The following RMDN1 variants were observed in gnomAD, a reference collection of about 807,000 sequenced individuals.
RMDN1 encodes the protein regulator of microtubule dynamics protein 1.
Under a neutral mutation model 48.9 loss-of-function variants are expected in RMDN1, and 48 were observed. That is an observed-to-expected ratio of 0.98 (90% CI 0.78 to 1.25). RMDN1 has a LOEUF of 1.25. RMDN1 is among the 50% of genes most tolerant of loss of function. The probability of loss-of-function intolerance (pLI) is 0.00; values close to 1 mark genes in which losing one functional copy is unlikely to be tolerated. For missense variants in RMDN1, 418 were observed against 373.4 expected, an observed-to-expected ratio of 1.12 and a Z score of -0.98; for synonymous variants, 148 against 132.6, an observed-to-expected ratio of 1.12 and a Z score of -0.80.
Position 86,474,131 on chromosome 8 carries a change from C to T in RMDN1, c.*177G>A, listed in dbSNP as rs752352194. The T allele has an allele frequency of 4.6e-5, 62 of 1,350,190 alleles. No individual in the cohort carries two copies. Among genetic ancestry groups the T allele is most frequent in the Non-Finnish European group, 5.4e-5 (57 of 1,052,694 alleles). 83.6% of individuals were successfully genotyped at this position (1,350,190 alleles called of 1,614,324 possible). On this transcript the variant is annotated 3_prime_UTR_variant, in exon 10 of 10. Transcript: ENST00000406452. ...AGATTTATTTCTACCACTCTTATGG[C>T]GATTATTTATTTTACCCTATTATTT...
chr8:86,508,094 T>C (rs1180046137), intron 1 of RMDN1: 2 of 177,680 alleles, frequency 1.1e-5, no homozygotes, highest in Non-Finnish European at 2.3e-5. Flanking sequence ...TTCTGAGTCG[T>C]AGAACTTTTT....
At chr8:86,481,664 T>G in intron 5 of RMDN1, 1 of 378,810 alleles carries the variant, frequency 2.6e-6, no homozygotes. Context: ...ACCCAATGGA[T>G]GTAGGTTCCA....
At chr8:86,485,068 T>C in intron 4 of RMDN1, 107 bp from the exon 5 acceptor site, 1 of 604,158 alleles carries the variant, frequency 1.7e-6, no homozygotes, top group African/African-American at 1.9e-5. Flanking sequence ...CAACAAAAAG[T>C]TACTGAGCAT....
intron 3 of RMDN1, among the ~76,000 whole-genome samples, chr8:86,487,554 C>CAA: frequency 6.6e-6 from 1 of 152,002 alleles, no homozygotes; most frequent in African/African-American, 2.4e-5. Flanking sequence ...CGCCATTGCA[C>CAA]TCCAGCTTGG....
chr8:86,510,027 A>C (rs1025899811), upstream of RMDN1, among the ~76,000 whole-genome samples: 3 of 152,160 alleles, frequency 2.0e-5, no homozygotes, highest in African/African-American at 7.2e-5. Flanking sequence ...ATTTGTAATT[A>C]AGTTTTTAGC....
At chr8:86,475,813 T>A (rs565548625) in intron 8 of RMDN1, among the ~76,000 whole-genome samples, 1 of 152,224 alleles carries the variant, frequency 6.6e-6, no homozygotes, top group South Asian at 2.1e-4. Context: ...CATGTTGATA[T>A]ACTTAAGTTG....
At position 86,507,086 on chromosome 8, in the gene RMDN1, T is replaced by G. The variant is rs6980476; in HGVS notation, c.156A>C (p.Lys52Asn). The stretch of plus-strand genomic sequence containing the variant: ...ACAAAGCTGAGAGTAAAAGGCCTCT[T>G]TTGAAAGTTCCTGGGTTTCCCATTA... ...FEVMGNPGTF[K>N]RGLLLSALSY... Residue 52 changes from lysine (K) to asparagine (N), a missense_variant, in exon 2 of 10, where the codon AAA becomes AAC. Physicochemically the swap from Lys to Asn is moderately conservative, Grantham distance 94. Coordinates refer to ENST00000406452, the MANE Select transcript of RMDN1 (RefSeq NM_016033.3). 0.25 allele frequency: 397,889 copies of G among 1,604,158 alleles called. 52,731 individuals are homozygous for G. The highest frequency in any genetic ancestry group is 0.27 in the Non-Finnish European group (316,144 of 1,171,028).
At chr8:86,484,764 C>T (rs370490599) in intron 5 of RMDN1, 108 bp downstream of exon 5, 80 of 563,920 alleles carry the variant, frequency 1.4e-4, no homozygotes, top group African/African-American at 1.3e-3. Flanking sequence ...GGCTCTACTC[C>T]ACTGTTATCA....
chr8:86,478,926 C>T lies in RMDN1; in HGVS notation c.726G>A (p.Glu242=). The T allele has an allele frequency of 1.9e-6, 3 of 1,612,290 alleles. No homozygotes were observed. Among genetic ancestry groups the T allele is most frequent in the Admixed American group, 1.7e-5 (1 of 59,996 alleles). The stretch of plus-strand genomic sequence containing the variant: ...TTAACAAAGGACATCATACTACCTT[C>T]TCATAGGTGGAACTAGGAGGAGTTG... ...LFATPPSSTY[E]KALGYFHRAE... is the part of the protein sequence containing the mutation. Residue 242 remains glutamate (E), a synonymous_variant, in exon 7 of 10, where the codon GAG becomes GAA. Coordinates refer to ENST00000406452, the MANE Select transcript of RMDN1 (RefSeq NM_016033.3).
At chr8:86,512,839 C>G (rs1274541708), upstream of RMDN1, among the ~76,000 whole-genome samples, 2 of 151,706 alleles carry the variant, frequency 1.3e-5, no homozygotes, top group Non-Finnish European at 1.5e-5. Context: ...TCTGGGAGGC[C>G]AAGGCTGGCA....
At chr8:86,470,272 G>A, downstream of RMDN1, 1 of 1,289,314 alleles carries the variant, frequency 7.8e-7, no homozygotes, top group East Asian at 5.6e-5. Flanking sequence ...GTCAGCTCTG[G>A]AATCCACACA....
At chr8:86,505,726 T>C (rs1400750974) in intron 2 of RMDN1, among the ~76,000 whole-genome samples, 2 of 152,184 alleles carry the variant, frequency 1.3e-5, no homozygotes, top group African/African-American at 2.4e-5. Context: ...AGAGAGGTTA[T>C]ACAGTAGAAG....
chr8:86,483,849 A>G (rs749925182), intron 5 of RMDN1, among the ~76,000 whole-genome samples: 26 of 149,550 alleles, frequency 1.7e-4, no homozygotes, highest in South Asian at 1.3e-3. Flanking sequence ...TTTTGAGACA[A>G]TGAAGTTCAT....
intron 2 of RMDN1, among the ~76,000 whole-genome samples, chr8:86,494,145 T>A (rs970819068): frequency 3.3e-5 from 5 of 152,206 alleles, no homozygotes; most frequent in Admixed American, 3.3e-4. Context: ...TACAGCATGA[T>A]AACCATAGTT....
chr8:86,468,910 G>A (rs566667829), downstream of RMDN1, among the ~76,000 whole-genome samples: 10 of 152,046 alleles, frequency 6.6e-5, no homozygotes, highest in Admixed American at 1.3e-4. Flanking sequence ...TGGACTAACC[G>A]AAAGAAATTA....
At chr8:86,481,646 G>T in intron 5 of RMDN1, 4 of 264,756 alleles carry the variant, frequency 1.5e-5, no homozygotes, top group East Asian at 5.8e-5. Flanking sequence ...GGAAGGAGAA[G>T]ACCTAAGACC....
At chr8:86,504,233 A>C (rs1307812989) in intron 2 of RMDN1, 2 of 1,563,018 alleles carry the variant, frequency 1.3e-6, no homozygotes, top group African/African-American at 2.7e-5. Context: ...ATTAACAGAA[A>C]AGAAGAGGAG....
rs766872897 is a variant in RMDN1 at position 86,508,626 on chromosome 8, G to A, written c.-6C>T. On this transcript the variant is annotated 5_prime_UTR_variant, in exon 1 of 10. Coordinates refer to ENST00000406452, the MANE Select transcript of RMDN1 (RefSeq NM_016033.3). ...AGTCGAGCAGCCAGCGCCATGACCT[G>A]CAACTTGCGGGCTGACCCTGCACTA... 1.3e-6 allele frequency: 2 copies of A among 1,598,220 alleles called. No homozygotes were observed. Among genetic ancestry groups the A allele is most frequent in the Non-Finnish European group, 1.7e-6 (2 of 1,173,046 alleles).
intron 2 of RMDN1, among the ~76,000 whole-genome samples, chr8:86,499,920 C>T (rs1194663876): frequency 6.6e-6 from 1 of 152,012 alleles, no homozygotes; most frequent in African/African-American, 2.4e-5. Flanking sequence ...AAAAGCTGAC[C>T]ATAACAAGCA....
Sources: gnomAD v4.1 joint callset for allele counts (sites outside exome capture counted in the v4.1 genomes callset) on GRCh38, gnomAD v4.1.1 for gene constraint, MANE v1.5 for transcripts, NCBI Gene and HGNC (gene_info 2026-07-23, HGNC 2026-07-21) for gene names.